SORCS3: variants seen among roughly 807,000 people sequenced by gnomAD.
The protein encoded by SORCS3 is VPS10 domain-containing receptor SorCS3.
SORCS3 carries 57 observed loss-of-function variants against 146.3 expected under a neutral mutation model. The observed-to-expected ratio is 0.39, with a 90% confidence interval of 0.31 to 0.49. SORCS3 has a LOEUF of 0.49. Ranked by LOEUF, SORCS3 falls within the 20% of genes least tolerant of loss-of-function variation. The pLI is 0.92. For synonymous variants in SORCS3, 653 were observed against 618.5 expected, an observed-to-expected ratio of 1.06 and a Z score of -0.83; for missense variants, 1,341 against 1,575.5, an observed-to-expected ratio of 0.85 and a Z score of 2.52.
chr10:105,105,300 T>C (rs946615173), intron 6 of SORCS3, 97 bp from the exon 7 acceptor site: 12 of 693,270 alleles, frequency 1.7e-5, no homozygotes, highest in Non-Finnish European at 2.8e-5. Context: ...TTAAATTACC[T>C]TGTTGATTCC....
intron 11 of SORCS3, among the ~76,000 whole-genome samples, chr10:105,160,693 GTGTTACTTATCATCATTAA>G (rs1465922219): frequency 6.6e-6 from 1 of 152,204 alleles, no homozygotes; most frequent in Non-Finnish European, 1.5e-5. Context: ...TACTCACTAT[GTGTTACTTATCATCATTAA>G]TGTTATAGAA....
chr10:105,050,747 G>A (rs1472278261), intron 5 of SORCS3, among the ~76,000 whole-genome samples: 1 of 152,078 alleles, frequency 6.6e-6, no homozygotes, highest in Non-Finnish European at 1.5e-5. Flanking sequence ...GAATTATTAA[G>A]AGATAACCAA....
At chr10:104,822,142 C>T (rs759465560) in intron 1 of SORCS3, 1 of 516,886 alleles carries the variant, frequency 1.9e-6, no homozygotes, top group Non-Finnish European at 3.9e-6. Flanking sequence ...CTGATCTGTC[C>T]TCAGTTTCTG....
chr10:105,183,607 C>T (rs565286579), intron 14 of SORCS3, among the ~76,000 whole-genome samples: 1 of 152,240 alleles, frequency 6.6e-6, no homozygotes, highest in South Asian at 2.1e-4. Flanking sequence ...TTTACTTTGC[C>T]CAAAGTAAGT....
chr10:105,228,906 G>A (rs1449598019), intron 20 of SORCS3, among the ~76,000 whole-genome samples: 1 of 152,178 alleles, frequency 6.6e-6, no homozygotes, highest in Non-Finnish European at 1.5e-5. Context: ...CTAGACTTGG[G>A]AAAAGTTTCA....
At chr10:104,794,627 GAGA>G (rs766182823) in intron 1 of SORCS3, among the ~76,000 whole-genome samples, 36,653 of 142,092 alleles carry the variant, frequency 0.26, 5,634 homozygotes, top group African/African-American at 0.33. Flanking sequence ...GGGAGGGAGA[GAGA>G]GAGAGAGAGA....
At chr10:104,783,583 C>T (rs557653235) in intron 1 of SORCS3, among the ~76,000 whole-genome samples, 104 of 152,218 alleles carry the variant, frequency 6.8e-4, no homozygotes, top group African/African-American at 2.0e-3. Flanking sequence ...AAAAATTAGC[C>T]GGGCATGATG....
intron 1 of SORCS3, among the ~76,000 whole-genome samples, chr10:104,832,714 A>T (rs1279234216): frequency 7.4e-6 from 1 of 135,126 alleles, no homozygotes; most frequent in African/African-American, 3.1e-5. Context: ...GTGAAACTCC[A>T]TCTCAAATAA....
chr10:104,960,701 T>C (rs2054790850), intron 3 of SORCS3, among the ~76,000 whole-genome samples: 1 of 152,154 alleles, frequency 6.6e-6, no homozygotes. Context: ...AACTGCCACG[T>C]AGGGTATTAA....
At chr10:105,038,953 T>C (rs907358156) in intron 4 of SORCS3, among the ~76,000 whole-genome samples, 8 of 152,172 alleles carry the variant, frequency 5.3e-5, no homozygotes, top group Non-Finnish European at 1.0e-4. Flanking sequence ...AAGAAGAACA[T>C]ACTAATTGCC....
At chr10:105,140,999 C>T (rs1021487160) in intron 8 of SORCS3, among the ~76,000 whole-genome samples, 3 of 152,142 alleles carry the variant, frequency 2.0e-5, no homozygotes, top group East Asian at 1.9e-4. Flanking sequence ...TTACAGTAAC[C>T]AGAAGGTCTC....
In SORCS3 at chr10:104,885,196, T is replaced by G. The variant is rs76973413; in HGVS notation, c.696-30637T>G. Among the ~76,000 whole-genome samples, 768 of 152,240 alleles carry G rather than the reference T, an allele frequency of 5.0e-3. 42 individuals are homozygous for G. In the East Asian group the frequency reaches 0.11, roughly 22 times the overall value. ...TCTCAGGTCTTCTTGTAGATTCTCATGGGCACAGCCTGGTGGAACACTGAT... is the reference window on the plus strand; with the variant it reads ...TCTCAGGTCTTCTTGTAGATTCTCAGGGGCACAGCCTGGTGGAACACTGAT... On this transcript the variant is annotated intron_variant, in intron 2 of 26. Coordinates refer to ENST00000369701, the MANE Select transcript of SORCS3 (RefSeq NM_014978.3).
At chr10:105,193,597 C>T (rs1012191450) in intron 14 of SORCS3, among the ~76,000 whole-genome samples, 53 of 152,110 alleles carry the variant, frequency 3.5e-4, no homozygotes, top group African/African-American at 1.2e-3. Context: ...CTCAAAAGGG[C>T]CACATTCCCT....
intron 3 of SORCS3, among the ~76,000 whole-genome samples, chr10:104,968,398 G>A (rs112327415): frequency 0.059 from 9,010 of 152,278 alleles, 262 homozygotes; most frequent in African/African-American, 0.074. Context: ...TTACAGGCAT[G>A]AGCCACCGCG....
At chr10:105,243,695 A>G (rs1252377809) in intron 20 of SORCS3, among the ~76,000 whole-genome samples, 1 of 152,156 alleles carries the variant, frequency 6.6e-6, no homozygotes, top group Non-Finnish European at 1.5e-5. Context: ...TTCTTCTTTC[A>G]TTTACCAAAT....
intron 7 of SORCS3, among the ~76,000 whole-genome samples, chr10:105,115,794 A>G (rs1257726035): frequency 6.6e-6 from 1 of 152,194 alleles, no homozygotes; most frequent in African/African-American, 2.4e-5. Flanking sequence ...ATAGAGTGTA[A>G]TTATTCAAAG....
At chr10:104,880,571 A>T (rs2018620312) in intron 2 of SORCS3, among the ~76,000 whole-genome samples, 1 of 152,122 alleles carries the variant, frequency 6.6e-6, no homozygotes, top group South Asian at 2.1e-4. Context: ...TGGGAGAAGC[A>T]TTTTGGGGGC....
rs759124837 is a variant in SORCS3 at position 105,147,711 on chromosome 10, C to T, written c.1397C>T (p.Thr466Met). ...NDTYNLYISD[T>M]RGIYFTLAME... The stretch of plus-strand genomic sequence containing the variant: ...ACGTACAACCTCTACATCTCAGACA[C>T]GCGTGGGATTTACTTCACTCTGGCC... The change falls in exon 9 of 27, where the codon ACG (threonine) becomes ATG (methionine). Residue 466 changes from threonine (T) to methionine (M), a missense_variant. Thr to Met is a moderately conservative substitution (Grantham distance 81). Transcript: ENST00000369701. 1.7e-5 allele frequency: 28 copies of T among 1,612,968 alleles called. No homozygotes were observed. In the East Asian group the frequency reaches 2.7e-4, roughly 15 times the overall value.
intron 3 of SORCS3, among the ~76,000 whole-genome samples, chr10:104,941,116 G>C (rs1161997829): frequency 6.6e-6 from 1 of 152,204 alleles, no homozygotes; most frequent in African/African-American, 2.4e-5. Flanking sequence ...TGAGCAGTGA[G>C]TACACTAGAG....
Sources: allele counts gnomAD v4.1 joint callset (sites outside exome capture counted in the v4.1 genomes callset), GRCh38; gene constraint gnomAD v4.1.1; transcripts MANE v1.5; gene names NCBI Gene and HGNC (gene_info 2026-07-23, HGNC 2026-07-21).